CRK: variants seen among roughly 807,000 people sequenced by gnomAD.
CRK encodes the protein CRK proto-oncogene, adaptor protein.
CRK carries 4 observed loss-of-function variants against 29.8 expected under a neutral mutation model. The ratio of observed to expected loss-of-function variants is 0.13; its 90% CI spans 0.07 to 0.31. CRK has a LOEUF of 0.31. Among genes scored for constraint, CRK ranks in the 10% least tolerant of loss-of-function variants. The pLI is 1.00. For synonymous variants in CRK, 153 were observed against 164.9 expected, an observed-to-expected ratio of 0.93 and a Z score of 0.55; for missense variants, 274 against 396.5, an observed-to-expected ratio of 0.69 and a Z score of 2.62.
intron 1 of CRK, among the ~76,000 whole-genome samples, chr17:1,452,163 G>A (rs1288939611): frequency 6.6e-6 from 1 of 152,138 alleles, no homozygotes; most frequent in Non-Finnish European, 1.5e-5. Flanking sequence ...TTCAACTTCT[G>A]AAAGTCATTT....
At chr17:1,437,193 C>A in intron 1 of CRK, 38 bp from the exon 2 acceptor site, 6 of 1,529,172 alleles carry the variant, frequency 3.9e-6, no homozygotes, top group Non-Finnish European at 5.3e-6. Flanking sequence ...TAATGATGTA[C>A]TACACTGGAA....
intron 1 of CRK, among the ~76,000 whole-genome samples, chr17:1,437,955 T>A (rs1037409029): frequency 2.0e-5 from 3 of 151,884 alleles, no homozygotes; most frequent in Admixed American, 6.6e-5. Context: ...TGTGAGCTAC[T>A]GCGCCTGGCC....
At position 1,436,833 on chromosome 17, in the gene CRK, C is replaced by T. The variant is rs944120295; in HGVS notation, c.564G>A (p.Glu188=). 3 of 1,594,190 alleles carry T rather than the reference C, an allele frequency of 1.9e-6. No individual in the cohort carries two copies. The highest frequency in any genetic ancestry group is 2.7e-5 in the African/African-American group (2 of 74,624). The change falls in exon 2 of 3, where the codon GAG becomes GAA. Residue 188 remains glutamate (E), a synonymous_variant. Transcript: ENST00000300574. ...KRGMIPVPYV[E]KYRPASASVS... is the part of the protein sequence containing the mutation. Reference sequence around the variant, plus strand: ...CTGAGGCGGAGGCAGGTCTATACTTCTCGACGTAAGGGACTGGAATCATCC... The same window carrying T: ...CTGAGGCGGAGGCAGGTCTATACTTTTCGACGTAAGGGACTGGAATCATCC...
At chr17:1,448,056 C>T (rs190959308) in intron 1 of CRK, among the ~76,000 whole-genome samples, 291 of 151,798 alleles carry the variant, frequency 1.9e-3, no homozygotes, top group African/African-American at 6.1e-3. Flanking sequence ...GCAGGAGAAT[C>T]GCTTGAACCC....
At chr17:1,436,413 T>A (rs1341780673) in intron 2 of CRK, among the ~76,000 whole-genome samples, 3 of 152,100 alleles carry the variant, frequency 2.0e-5, no homozygotes, top group African/African-American at 7.2e-5. Flanking sequence ...TTAAGAACAT[T>A]CAGTTATACA....
Position 1,447,567 on chromosome 17 carries a change from G to C in CRK, c.241+8310C>G, listed in dbSNP as rs370645174. ...TCACTTCTGACGGGTCTACAAGAGC[G>C]GGCCAGGCTCTCCTTGATCTCACAG... On this transcript the variant is annotated intron_variant, in intron 1 of 2. Coordinates refer to ENST00000300574, the MANE Select transcript of CRK (RefSeq NM_016823.4). Among the ~76,000 whole-genome samples the C allele has an allele frequency of 4.0e-5, 6 of 151,786 alleles. No individual in the cohort carries two copies. The East Asian group carries it at 1.2e-3, about 29-fold the overall frequency.
chr17:1,437,671 T>G (rs79119194), intron 1 of CRK, among the ~76,000 whole-genome samples: 3 of 151,728 alleles, frequency 2.0e-5, no homozygotes, highest in Admixed American at 6.6e-5. Context: ...TTTTTTTTTT[T>G]GAGACCAAAT....
chr17:1,431,847 C>A (rs768135887), intron 2 of CRK, among the ~76,000 whole-genome samples: 2 of 152,182 alleles, frequency 1.3e-5, no homozygotes, highest in African/African-American at 4.8e-5. Flanking sequence ...AGAACTGTTA[C>A]AATCTGACAA....
At chr17:1,428,290 TGTATTTTTAGTAGAGATGGG>T (rs2073801852) in intron 2 of CRK, among the ~76,000 whole-genome samples, 1 of 150,604 alleles carries the variant, frequency 6.6e-6, no homozygotes, top group African/African-American at 2.4e-5. Context: ...AGCTGATTTT[TGTATTTTTAGTAGAGATGGG>T]GTTTCACCAT....
chr17:1,447,542 T>C (rs755610753), intron 1 of CRK, among the ~76,000 whole-genome samples: 2 of 151,390 alleles, frequency 1.3e-5, no homozygotes, highest in Non-Finnish European at 2.9e-5. Flanking sequence ...ATAGGCCCAA[T>C]CACTTCTGAC....
intron 1 of CRK, among the ~76,000 whole-genome samples, chr17:1,451,095 G>C (rs1019045361): frequency 2.7e-5 from 4 of 147,852 alleles, no homozygotes. Flanking sequence ...GGGAGGCTGA[G>C]GTAGGAGAAT....
chr17:1,438,587 AT>A (rs2073908151), intron 1 of CRK, among the ~76,000 whole-genome samples: 1 of 152,114 alleles, frequency 6.6e-6, no homozygotes, highest in Admixed American at 6.6e-5. Flanking sequence ...ACTGTTCGCT[AT>A]GAAGCAAACA....
chr17:1,438,937 C>A (rs2073911951), intron 1 of CRK, among the ~76,000 whole-genome samples: 1 of 151,792 alleles, frequency 6.6e-6, no homozygotes, highest in South Asian at 2.1e-4. Flanking sequence ...CAGCCTCAAG[C>A]AAGCCTCCCA....
chr17:1,439,803 A>C (rs1308951735), intron 1 of CRK, among the ~76,000 whole-genome samples: 1 of 152,198 alleles, frequency 6.6e-6, no homozygotes, highest in African/African-American at 2.4e-5. Context: ...TGATCACGCC[A>C]CTGCACTCCA....
chr17:1,432,637 C>T (rs1360518562), intron 2 of CRK, among the ~76,000 whole-genome samples: 3 of 151,660 alleles, frequency 2.0e-5, no homozygotes, highest in East Asian at 3.9e-4. Context: ...ATTAGCCAGG[C>T]GTGGTGGCGG....
At chr17:1,430,500 A>G (rs1201742875) in intron 2 of CRK, among the ~76,000 whole-genome samples, 47 of 148,996 alleles carry the variant, frequency 3.2e-4, no homozygotes, top group East Asian at 5.9e-4. Context: ...GGGACTACAG[A>G]TGCCCGCCAC....
intron 2 of CRK, among the ~76,000 whole-genome samples, chr17:1,434,509 A>T (rs1229719238): frequency 6.6e-6 from 1 of 152,138 alleles, no homozygotes; most frequent in Non-Finnish European, 1.5e-5. Flanking sequence ...TTGGCCAGGC[A>T]CGACAGCTCA....
At chr17:1,455,156 C>G (rs547323434) in intron 1 of CRK, among the ~76,000 whole-genome samples, 3 of 152,356 alleles carry the variant, frequency 2.0e-5, no homozygotes, top group African/African-American at 7.2e-5. Context: ...AACCAGAACT[C>G]TCTAACGGCG....
In CRK at chr17:1,423,558, A is replaced by G. The variant is rs746234297; in HGVS notation, c.870T>C (p.His290=). ...NGKRGHFPFT[H]VRLLDQQNPD... is the part of the protein sequence containing the mutation. ...GATTCTGTTGATCCAGCAGACGGACATGTGTGAATGGGAAGTGACCTCGTT... is the reference window on the plus strand; with the variant it reads ...GATTCTGTTGATCCAGCAGACGGACGTGTGTGAATGGGAAGTGACCTCGTT... Residue 290 remains histidine, a synonymous_variant, in exon 3 of 3, where the codon CAT becomes CAC. Coordinates refer to ENST00000300574, the MANE Select transcript of CRK (RefSeq NM_016823.4). 2.5e-6 allele frequency: 4 copies of G among 1,614,162 alleles called. No individual in the cohort carries two copies. Among genetic ancestry groups the G allele is most frequent in the Non-Finnish European group, 3.4e-6 (4 of 1,180,030 alleles).
Sources: gnomAD v4.1 joint callset for allele counts (sites outside exome capture counted in the v4.1 genomes callset) on GRCh38, gnomAD v4.1.1 for gene constraint, MANE v1.5 for transcripts, NCBI Gene and HGNC (gene_info 2026-07-23, HGNC 2026-07-21) for gene names.